The following RAB18 variants were observed in gnomAD, a reference collection of about 807,000 sequenced individuals.
The protein encoded by RAB18 is RAB18, member RAS oncogene family.
RAB18 carries 10 observed loss-of-function variants against 28.5 expected under a neutral mutation model. That is an observed-to-expected ratio of 0.35 (90% CI 0.22 to 0.60). The LOEUF (loss-of-function observed/expected upper bound fraction) is 0.60. Among genes scored for constraint, RAB18 ranks in the 20% least tolerant of loss-of-function variants. The pLI is 0.78. For missense variants in RAB18, 188 were observed against 244.2 expected, an observed-to-expected ratio of 0.77 and a Z score of 1.53; for synonymous variants, 93 against 86.9, an observed-to-expected ratio of 1.07 and a Z score of -0.39.
intron 2 of RAB18, among the ~76,000 whole-genome samples, chr10:27,518,419 T>A (rs911308175): frequency 6.6e-6 from 1 of 152,162 alleles, no homozygotes; most frequent in African/African-American, 2.4e-5. Context: ...CGAGCAGCCT[T>A]ATTTAAATTT....
At chr10:27,528,396 A>G in intron 3 of RAB18, 1 of 450,658 alleles carries the variant, frequency 2.2e-6, no homozygotes, top group Non-Finnish European at 4.4e-6. Flanking sequence ...AGCAGAGAAG[A>G]ACATCTATAA....
intron 2 of RAB18, among the ~76,000 whole-genome samples, chr10:27,518,220 A>C (rs1834477833): frequency 6.6e-6 from 1 of 152,178 alleles, no homozygotes; most frequent in Admixed American, 6.5e-5. Flanking sequence ...ATTTTGTATG[A>C]ATACTAATTT....
chr10:27,512,673 GA>G (rs1233156619), intron 2 of RAB18, among the ~76,000 whole-genome samples: 1 of 152,144 alleles, frequency 6.6e-6, no homozygotes, highest in Non-Finnish European at 1.5e-5. Flanking sequence ...GAACCTGCCT[GA>G]GTACGTATTG....
chr10:27,504,337 G>A lies in RAB18; in HGVS notation c.-33G>A, dbSNP rs767008694. ...GAAGGGCTGAGAGGCGCACCCGGGC[G>A]GCCAGCTGGGCTCGGAGCGGAACGG... On this transcript the variant is annotated 5_prime_UTR_variant, in exon 1 of 7. Coordinates refer to ENST00000356940, the MANE Select transcript of RAB18 (RefSeq NM_021252.5). The A allele has an allele frequency of 1.8e-5, 28 of 1,561,256 alleles. No individual in the cohort carries two copies. Among genetic ancestry groups the A allele is most frequent in the Admixed American group, 3.9e-5 (2 of 51,734 alleles).
At chr10:27,535,613 A>C (rs1003900436) in intron 6 of RAB18, among the ~76,000 whole-genome samples, 17 of 152,162 alleles carry the variant, frequency 1.1e-4, no homozygotes, top group Non-Finnish European at 2.2e-4. Context: ...TGTTGTGTAG[A>C]AAATGGACTA....
At chr10:27,504,740 C>G (rs1564825016) in intron 1 of RAB18, 1 of 632,200 alleles carries the variant, frequency 1.6e-6, no homozygotes, top group South Asian at 1.5e-5. Flanking sequence ...CTGCGCGGAG[C>G]TCAGGGCGTG....
At chr10:27,527,347 C>T (rs914568105) in intron 3 of RAB18, among the ~76,000 whole-genome samples, 6 of 152,004 alleles carry the variant, frequency 3.9e-5, no homozygotes, top group African/African-American at 1.4e-4. Flanking sequence ...TTTAATGCCT[C>T]GTTTTTCCTT....
intron 1 of RAB18, among the ~76,000 whole-genome samples, chr10:27,505,556 A>G (rs1837803882): frequency 6.6e-6 from 1 of 152,160 alleles, no homozygotes; most frequent in African/African-American, 2.4e-5. Context: ...GATATTATTT[A>G]CTTATTTATT....
chr10:27,534,744 C>A (rs1299929171), intron 6 of RAB18, among the ~76,000 whole-genome samples: 1 of 152,190 alleles, frequency 6.6e-6, no homozygotes, highest in Non-Finnish European at 1.5e-5. Flanking sequence ...GATGTGAAGC[C>A]AGCTTTAGGA....
intron 2 of RAB18, among the ~76,000 whole-genome samples, chr10:27,513,276 C>A (rs1834363072): frequency 6.6e-6 from 1 of 151,822 alleles, no homozygotes; most frequent in South Asian, 2.1e-4. Context: ...CTCAAGTGAT[C>A]CACCCGCCTC....
At chr10:27,525,867 T>A (rs1212695858) in intron 2 of RAB18, among the ~76,000 whole-genome samples, 3 of 152,216 alleles carry the variant, frequency 2.0e-5, no homozygotes. Context: ...GCATTTAGTA[T>A]GTGAGGGTGC....
intron 2 of RAB18, among the ~76,000 whole-genome samples, chr10:27,523,422 A>G (rs1013526395): frequency 6.6e-6 from 1 of 151,476 alleles, no homozygotes; most frequent in Non-Finnish European, 1.5e-5. Flanking sequence ...TGTTTGCATA[A>G]TAGGCTGCTT....
intron 2 of RAB18, among the ~76,000 whole-genome samples, chr10:27,523,952 G>A (rs1204225052): frequency 2.0e-5 from 3 of 151,718 alleles, no homozygotes; most frequent in South Asian, 2.1e-4. Context: ...GGTGGCAGGC[G>A]CCTGTAGTCC....
At chr10:27,520,103 A>G (rs573769063) in intron 2 of RAB18, among the ~76,000 whole-genome samples, 1 of 152,186 alleles carries the variant, frequency 6.6e-6, no homozygotes, top group Non-Finnish European at 1.5e-5. Context: ...CATTTTTCTT[A>G]AAGTTCAACT....
chr10:27,524,052 C>G (rs1168558291), intron 2 of RAB18, among the ~76,000 whole-genome samples: 1 of 151,798 alleles, frequency 6.6e-6, no homozygotes, highest in African/African-American at 2.4e-5. Context: ...TGCACTCCAG[C>G]CTGGCCAACA....
chr10:27,513,033 T>TA (rs1491224383), intron 2 of RAB18, among the ~76,000 whole-genome samples: 6,580 of 129,330 alleles, frequency 0.051, 156 homozygotes, highest in African/African-American at 0.1. Flanking sequence ...TATATATATA[T>TA]TTTTTTTTTT....
At chr10:27,513,064 G>A (rs1033304976) in intron 2 of RAB18, among the ~76,000 whole-genome samples, 3 of 142,050 alleles carry the variant, frequency 2.1e-5, no homozygotes, top group African/African-American at 5.3e-5. Context: ...CAAGAGTCTC[G>A]CTGTGTTGCC....
chr10:27,513,558 C>T (rs1228353935), intron 2 of RAB18, among the ~76,000 whole-genome samples: 1 of 152,088 alleles, frequency 6.6e-6, no homozygotes, highest in Non-Finnish European at 1.5e-5. Flanking sequence ...AGTTAGCATT[C>T]TTCTTTCTTG....
intron 2 of RAB18, among the ~76,000 whole-genome samples, chr10:27,520,945 A>G (rs1834539118): frequency 6.7e-6 from 1 of 149,998 alleles, no homozygotes; most frequent in South Asian, 2.1e-4. Flanking sequence ...AAAAAAAGAA[A>G]ATTTTTTTTT....
Sources: allele counts gnomAD v4.1 joint callset (sites outside exome capture counted in the v4.1 genomes callset), GRCh38; gene constraint gnomAD v4.1.1; transcripts MANE v1.5; gene names NCBI Gene and HGNC (gene_info 2026-07-23, HGNC 2026-07-21).